The following CNTNAP2 variants were observed in gnomAD, a reference collection of about 807,000 sequenced individuals.
The protein encoded by CNTNAP2 is contactin-associated protein-like 2.
A neutral mutation model predicts 155.2 loss-of-function variants in CNTNAP2; 98 were observed. That is an observed-to-expected ratio of 0.63 (90% CI 0.54 to 0.75). The LOEUF is 0.75. Among genes scored for constraint, CNTNAP2 ranks in the 30% least tolerant of loss-of-function variants. The pLI, the probability that CNTNAP2 is intolerant of heterozygous loss-of-function variation, is 0.00. For missense variants in CNTNAP2, 1,727 were observed against 1,688.1 expected, an observed-to-expected ratio of 1.02 and a Z score of -0.40; for synonymous variants, 651 against 631.2, an observed-to-expected ratio of 1.03 and a Z score of -0.47.
At chr7:147,578,398 A>G (rs1486097276) in intron 12 of CNTNAP2, among the ~76,000 whole-genome samples, 5 of 152,110 alleles carry the variant, frequency 3.3e-5, no homozygotes, top group Non-Finnish European at 1.5e-5. Context: ...GGTTGCTGCA[A>G]TGTCATTAAA....
chr7:146,679,516 C>G (rs1800464891), intron 1 of CNTNAP2, among the ~76,000 whole-genome samples: 2 of 151,926 alleles, frequency 1.3e-5, no homozygotes, highest in South Asian at 4.2e-4. Context: ...CCAACACGCC[C>G]AGCTAATTTT....
intron 10 of CNTNAP2, among the ~76,000 whole-genome samples, chr7:147,404,080 T>G (rs991970819): frequency 1.3e-5 from 2 of 152,200 alleles, no homozygotes; most frequent in Non-Finnish European, 2.9e-5. Context: ...AGGTGCTTAT[T>G]TCATTACGCA....
At chr7:147,906,112 A>T (rs1248821980) in intron 14 of CNTNAP2, among the ~76,000 whole-genome samples, 1 of 152,140 alleles carries the variant, frequency 6.6e-6, no homozygotes, top group African/African-American at 2.4e-5. Context: ...TGCAGTTGAC[A>T]GTTTTGAAAA....
intron 8 of CNTNAP2, among the ~76,000 whole-genome samples, chr7:147,176,774 T>TATATATAATTATAATTATATATTATA (rs1802352824): frequency 8.3e-6 from 1 of 119,956 alleles, no homozygotes; most frequent in Non-Finnish European, 1.6e-5. Context: ...TATATAGAAT[T>TATATATAATTATAATTATATATTATA]ATATATAATT....
rs185127751 is a variant in CNTNAP2 at position 148,102,154 on chromosome 7, C to T, written c.2384-15964C>T. The stretch of plus-strand genomic sequence containing the variant: ...CCAGCCTCCACCCTCAAGTAGGCCC[C>T]TGGGTCTGTTGTTTCCTTCTTTGTG... On this transcript the variant is annotated intron_variant, in intron 15 of 23. Transcript: ENST00000361727. Among the ~76,000 whole-genome samples the T allele has an allele frequency of 2.1e-3, 327 of 152,242 alleles. 1 individual carries two copies. Among genetic ancestry groups the T allele is most frequent in the African/African-American group, 7.6e-3 (315 of 41,546 alleles).
intron 7 of CNTNAP2, 35 bp from the exon 8 acceptor site, chr7:147,132,210 G>A (rs1476239009): frequency 6.2e-7 from 1 of 1,612,330 alleles, no homozygotes; most frequent in South Asian, 1.1e-5. Flanking sequence ...ATTTTATTCT[G>A]TGTTTTCCTC....
intron 14 of CNTNAP2, among the ~76,000 whole-genome samples, chr7:147,939,293 A>G (rs1305084215): frequency 1.3e-5 from 2 of 152,144 alleles, no homozygotes. Context: ...AAATCAGGAA[A>G]TCTGCCTGAA....
intron 9 of CNTNAP2, among the ~76,000 whole-genome samples, chr7:147,375,680 T>C (rs1184367550): frequency 6.6e-6 from 1 of 152,058 alleles, no homozygotes; most frequent in African/African-American, 2.4e-5. Flanking sequence ...CAGATACCTC[T>C]CCCCACAAGT....
At chr7:146,380,255 A>C (rs1795361946) in intron 1 of CNTNAP2, among the ~76,000 whole-genome samples, 1 of 152,220 alleles carries the variant, frequency 6.6e-6, no homozygotes, top group South Asian at 2.1e-4. Context: ...GTAATGATGC[A>C]GTACACTTAA....
intron 9 of CNTNAP2, among the ~76,000 whole-genome samples, chr7:147,316,881 G>A (rs538751131): frequency 6.6e-6 from 1 of 152,256 alleles, no homozygotes; most frequent in Admixed American, 6.5e-5. Context: ...ATACAAAAAG[G>A]TTAATGACAT....
chr7:146,850,313 T>G (rs1437255963), intron 3 of CNTNAP2, among the ~76,000 whole-genome samples: 1 of 152,178 alleles, frequency 6.6e-6, no homozygotes, highest in African/African-American at 2.4e-5. Context: ...ACCAATATAT[T>G]TTGATGAGAC....
At chr7:146,902,861 T>A (rs530512101) in intron 3 of CNTNAP2, among the ~76,000 whole-genome samples, 1 of 152,312 alleles carries the variant, frequency 6.6e-6, no homozygotes, top group South Asian at 2.1e-4. Context: ...CTCGATGACA[T>A]GGTTTTTCCG....
intron 1 of CNTNAP2, among the ~76,000 whole-genome samples, chr7:146,384,550 T>G (rs1436531748): frequency 2.0e-5 from 3 of 152,196 alleles, no homozygotes; most frequent in Non-Finnish European, 4.4e-5. Flanking sequence ...AATTTATTAG[T>G]AGTTAAATAT....
chr7:146,721,436 TC>T (rs1801309559), intron 1 of CNTNAP2, among the ~76,000 whole-genome samples: 1 of 127,798 alleles, frequency 7.8e-6, no homozygotes, highest in African/African-American at 3.1e-5. Context: ...CTATATATAT[TC>T]TATATATACA....
chr7:147,299,598 A>G (rs1440421816), intron 8 of CNTNAP2, among the ~76,000 whole-genome samples: 1 of 152,206 alleles, frequency 6.6e-6, no homozygotes, highest in Non-Finnish European at 1.5e-5. Context: ...TATACTTACC[A>G]AATGTGTTTA....
intron 4 of CNTNAP2, among the ~76,000 whole-genome samples, chr7:147,073,660 G>T (rs1584820270): frequency 6.6e-6 from 1 of 152,156 alleles, no homozygotes; most frequent in Admixed American, 6.5e-5. Context: ...TGAGTGGCAG[G>T]TAGGTCAGGG....
chr7:147,980,960 T>G (rs1390982751), intron 15 of CNTNAP2, among the ~76,000 whole-genome samples: 1 of 147,472 alleles, frequency 6.8e-6, no homozygotes, highest in Non-Finnish European at 1.5e-5. Context: ...AAAAAAAGAA[T>G]GTTCTCACAT....
In CNTNAP2 at chr7:146,412,524, C is replaced by T. The variant is rs143941983; in HGVS notation, c.97+295551C>T. 1.8e-3 allele frequency among the ~76,000 whole-genome samples: 277 copies of T among 152,292 alleles called. 1 individual carries two copies. Among genetic ancestry groups the T allele is most frequent in the African/African-American group, 6.5e-3 (271 of 41,568 alleles). ...GGGCACATATGTGACTGCCTTTCCA[C>T]TGTGAATAATATCTACTCAGGCCAT... On this transcript the variant is annotated intron_variant, in intron 1 of 23. Transcript: ENST00000361727.
chr7:147,635,749 CT>C (rs1326516783), intron 12 of CNTNAP2, among the ~76,000 whole-genome samples: 1 of 152,056 alleles, frequency 6.6e-6, no homozygotes, highest in Non-Finnish European at 1.5e-5. Context: ...GTTTTATTTG[CT>C]TAAATTAATG....
Sources: allele counts gnomAD v4.1 joint callset (sites outside exome capture counted in the v4.1 genomes callset), GRCh38; gene constraint gnomAD v4.1.1; transcripts MANE v1.5; gene names NCBI Gene and HGNC (gene_info 2026-07-23, HGNC 2026-07-21).